Variants in PIWIL1 observed in about 807,000 individuals in gnomAD.
PIWIL1 encodes the protein piwi-like protein 1.
PIWIL1 carries 73 observed loss-of-function variants against 114.4 expected under a neutral mutation model. That is an observed-to-expected ratio of 0.64 (90% confidence interval 0.53 to 0.78). The LOEUF (loss-of-function observed/expected upper bound fraction) is 0.78. Among genes scored for constraint, PIWIL1 ranks in the 30% least tolerant of loss-of-function variants. The pLI is 0.00. For missense variants in PIWIL1, 723 were observed against 1,063.1 expected, an observed-to-expected ratio of 0.68 and a Z score of 4.45; for synonymous variants, 375 against 369.0, an observed-to-expected ratio of 1.02 and a Z score of -0.19.
chr12:130,368,118 T>G (rs938689100), intron 19 of PIWIL1, among the ~76,000 whole-genome samples: 2 of 152,184 alleles, frequency 1.3e-5, no homozygotes, highest in Non-Finnish European at 2.9e-5. Context: ...CCATTTTTAG[T>G]GAGTTCCTCA....
At chr12:130,370,578 C>G (rs557818384) in intron 19 of PIWIL1, among the ~76,000 whole-genome samples, 54 of 152,274 alleles carry the variant, frequency 3.5e-4, no homozygotes, top group South Asian at 1.0e-3. Flanking sequence ...GGAACCAATT[C>G]CCAATGGATG....
chr12:130,377,971 C>T, the PIWIL1 span, among the ~76,000 whole-genome samples: 1 of 152,226 alleles, frequency 6.6e-6, no homozygotes, highest in Admixed American at 6.5e-5. Context: ...ATGCTATTCT[C>T]CCTGACCCAA....
chr12:130,371,364 A>AT, intron 20 of PIWIL1, 41 bp downstream of exon 20: 1 of 1,613,084 alleles, frequency 6.2e-7, no homozygotes, highest in African/African-American at 1.3e-5. Flanking sequence ...AATAAAGGAC[A>AT]TTCACTTTTC....
chr12:130,404,207 C>A, the PIWIL1 span, among the ~76,000 whole-genome samples: 1 of 152,176 alleles, frequency 6.6e-6, no homozygotes, highest in Non-Finnish European at 1.5e-5. Flanking sequence ...GACATGTACA[C>A]ACACACACAC....
chr12:130,361,172 G>C lies in PIWIL1; in HGVS notation c.1666-8G>C, dbSNP rs1384613515. 6.2e-7 allele frequency: 1 copy of C among 1,613,742 alleles called. No individual in the cohort carries two copies. The highest frequency in any genetic ancestry group is 1.3e-5 in the African/African-American group (1 of 74,920). ...TAATTCTTTGTAACAAGGGCACTTT[G>C]TTTTCAGGTTGTCTGTCTGTTGTCA... On this transcript the variant is annotated splice_region_variant and splice_polypyrimidine_tract_variant and intron_variant, in intron 14 of 20. Transcript: ENST00000245255.
intron 8 of PIWIL1, 35 bp from the exon 9 acceptor site, chr12:130,349,821 C>A: frequency 8.5e-7 from 1 of 1,172,700 alleles, no homozygotes; most frequent in Non-Finnish European, 1.3e-6. Flanking sequence ...CTTCACATTT[C>A]CATCAAATGC....
Position 130,347,029 on chromosome 12 carries a change from C to T in PIWIL1, c.620C>T (p.Thr207Ile). The change falls in exon 6 of 21, where the codon ACT (threonine) becomes ATT (isoleucine). Residue 207 changes from threonine to isoleucine, a missense_variant. Physicochemically the swap from Thr to Ile is moderately conservative, Grantham distance 89. Around this residue, in one of 8 missense-constraint regions of PIWIL1, gnomAD observed 190 missense variants for 294.4 expected, o/e 0.65. Coordinates refer to ENST00000245255, the MANE Select transcript of PIWIL1 (RefSeq NM_004764.5). ...AATGAACTTCCACCTACATCACCAA[C>T]TTGTTTGCAGTTCTATAATATTATT... is the stretch of plus-strand genomic sequence containing the variant. ...LTNELPPTSP[T>I]CLQFYNIIFR... is the part of the protein sequence containing the mutation. The T allele has an allele frequency of 6.2e-7, 1 of 1,613,490 alleles. No homozygotes were observed. The highest frequency in any genetic ancestry group is 8.5e-7 in the Non-Finnish European group (1 of 1,179,608).
the PIWIL1 span, among the ~76,000 whole-genome samples, chr12:130,408,755 C>T: frequency 6.6e-6 from 1 of 152,258 alleles, no homozygotes; most frequent in Non-Finnish European, 1.5e-5. Flanking sequence ...AACACAGCCA[C>T]TTTTTGCTTA....
chr12:130,348,608 A>C (rs1263996782), intron 7 of PIWIL1, among the ~76,000 whole-genome samples: 1 of 152,172 alleles, frequency 6.6e-6, no homozygotes, highest in East Asian at 1.9e-4. Context: ...TAAAGTTGAA[A>C]TAAGAAATAA....
the PIWIL1 span, chr12:130,396,631 C>T: frequency 6.6e-6 from 1 of 152,620 alleles, no homozygotes; most frequent in South Asian, 2.1e-4. Context: ...CAGAATAGAA[C>T]ATTAAAAGCA....
the PIWIL1 span, among the ~76,000 whole-genome samples, chr12:130,390,576 T>G: frequency 4.6e-5 from 7 of 152,224 alleles, no homozygotes. Flanking sequence ...CCGTTCACTT[T>G]GCTCCTTTGG....
At chr12:130,418,067 G>C in the PIWIL1 span, among the ~76,000 whole-genome samples, 1 of 152,186 alleles carries the variant, frequency 6.6e-6, no homozygotes, top group South Asian at 2.1e-4. Context: ...GAAGAGACAG[G>C]ACAGGTGGTG....
At chr12:130,422,458 G>A in the PIWIL1 span, 9 of 1,607,336 alleles carry the variant, frequency 5.6e-6, no homozygotes, top group Middle Eastern at 6.6e-4. This position sits in a 1 kb window ranked among gnomAD's most constrained non-coding sequence, Gnocchi z 5.2. Context: ...CTAACCGATG[G>A]ATGGGACTGT....
intron 19 of PIWIL1, among the ~76,000 whole-genome samples, chr12:130,369,454 T>A (rs1413746533): frequency 6.6e-6 from 1 of 152,216 alleles, no homozygotes; most frequent in Non-Finnish European, 1.5e-5. Flanking sequence ...GGGTTCTAGA[T>A]CTTTGAGGAA....
Position 130,371,211 on chromosome 12 carries a change from G to A in PIWIL1, c.2357G>A (p.Ser786Asn). 6.2e-7 allele frequency: 1 copy of A among 1,614,214 alleles called. No individual in the cohort carries two copies. Among genetic ancestry groups the A allele is most frequent in the Non-Finnish European group, 8.5e-7 (1 of 1,180,040 alleles). The change falls in exon 20 of 21, where the codon AGT (serine) becomes AAT (asparagine). Residue 786 changes from serine (S) to asparagine (N), a missense_variant. By Grantham distance (46) the Ser-to-Asn change is conservative. This residue lies in a region of PIWIL1 where 106 missense variants were observed against 182.8 expected (regional missense o/e 0.58). Transcript: ENST00000245255. Reference sequence around the variant, plus strand: ...TTTATCGTGAGCCAGGCTGTGAGAAGTGGTAGTGTTTCTCCCACACATTAC... The same window carrying A: ...TTTATCGTGAGCCAGGCTGTGAGAAATGGTAGTGTTTCTCCCACACATTAC... The part of the protein sequence containing the change: ...DFFIVSQAVR[S>N]GSVSPTHYNV...
At chr12:130,399,157 T>C in the PIWIL1 span, 1 of 1,390,528 alleles carries the variant, frequency 7.2e-7, no homozygotes, top group Non-Finnish European at 9.4e-7. Context: ...ATGAACACTC[T>C]TCTTCTGTTT....
At chr12:130,379,313 C>G in the PIWIL1 span, among the ~76,000 whole-genome samples, 1 of 152,190 alleles carries the variant, frequency 6.6e-6, no homozygotes, top group African/African-American at 2.4e-5. Context: ...AAGAATTGTA[C>G]AAATTTTTTT....
chr12:130,377,049 T>C (rs148248142), downstream of PIWIL1, among the ~76,000 whole-genome samples: 1,606 of 152,308 alleles, frequency 0.011, 8 homozygotes, highest in Admixed American at 0.02. Flanking sequence ...CCTGTGAGCG[T>C]GCAGCCTAGA....
the PIWIL1 span, among the ~76,000 whole-genome samples, chr12:130,406,989 A>G: frequency 3.3e-5 from 5 of 152,158 alleles, no homozygotes; most frequent in Non-Finnish European, 5.9e-5. Context: ...TGCAGCCCCA[A>G]AGCAGGCGGT....
Sources: allele counts gnomAD v4.1 joint callset (sites outside exome capture counted in the v4.1 genomes callset), GRCh38; gene constraint gnomAD v4.1.1; regional missense constraint gnomAD v4.1.1; non-coding constraint Gnocchi (gnomAD v3.1); transcripts MANE v1.5; gene names NCBI Gene and HGNC (gene_info 2026-07-23, HGNC 2026-07-21).